Variants in RNF180 observed in about 807,000 individuals in gnomAD.
RNF180 encodes the protein E3 ubiquitin-protein ligase RNF180.
Under a neutral mutation model 59.2 loss-of-function variants are expected in RNF180, and 38 were observed. The observed-to-expected ratio is 0.64, with a 90% CI of 0.50 to 0.84. The LOEUF is 0.84. RNF180 is among the 40% of genes least tolerant of loss of function. The pLI is 0.00. For synonymous variants in RNF180, 262 were observed against 240.3 expected (o/e 1.09, Z -0.84); for missense variants, 705 against 700.9 (o/e 1.01, Z -0.07).
intron 5 of RNF180, among the ~76,000 whole-genome samples, chr5:64,237,912 C>T (rs979354943): frequency 5.9e-5 from 9 of 152,120 alleles, no homozygotes. Context: ...CTTTACCTTC[C>T]TCCATGATTG....
chr5:64,346,725 A>C (rs1210044809), intron 7 of RNF180, among the ~76,000 whole-genome samples: 4 of 152,048 alleles, frequency 2.6e-5, no homozygotes, highest in Non-Finnish European at 5.9e-5. Flanking sequence ...CCCAGGCCAT[A>C]TCCCAGACCA....
intron 1 of RNF180, among the ~76,000 whole-genome samples, chr5:64,173,221 C>T (rs1252188366): frequency 6.6e-6 from 1 of 152,088 alleles, no homozygotes; most frequent in Non-Finnish European, 1.5e-5. Context: ...AAGTAGAAAC[C>T]ACCCAATAAC....
At chr5:64,270,881 A>T (rs915789487) in intron 5 of RNF180, among the ~76,000 whole-genome samples, 1 of 152,114 alleles carries the variant, frequency 6.6e-6, no homozygotes, top group Admixed American at 6.6e-5. Context: ...AGTGACCAAG[A>T]TATAATCACA....
intron 5 of RNF180, among the ~76,000 whole-genome samples, chr5:64,265,248 A>G (rs1463537623): frequency 1.3e-5 from 2 of 152,112 alleles, no homozygotes; most frequent in Non-Finnish European, 2.9e-5. Flanking sequence ...CCATTTATCA[A>G]TTCTAGCTTT....
chr5:64,367,846 C>T (rs557466951), intron 7 of RNF180, among the ~76,000 whole-genome samples: 1 of 151,724 alleles, frequency 6.6e-6, no homozygotes, highest in South Asian at 2.1e-4. Flanking sequence ...TGTTCCCTAA[C>T]ATGAATAAAC....
intron 5 of RNF180, among the ~76,000 whole-genome samples, chr5:64,247,858 A>G (rs1034802273): frequency 2.0e-5 from 3 of 152,216 alleles, no homozygotes; most frequent in Non-Finnish European, 4.4e-5. Flanking sequence ...ACTTTAAACC[A>G]TACTACAATG....
At chr5:64,369,013 A>G (rs1746554854) in intron 7 of RNF180, among the ~76,000 whole-genome samples, 2 of 152,232 alleles carry the variant, frequency 1.3e-5, no homozygotes, top group South Asian at 2.1e-4. Context: ...GTGCACACGT[A>G]TGTTTATTGC....
intron 5 of RNF180, among the ~76,000 whole-genome samples, chr5:64,238,178 T>C (rs1179851059): frequency 2.6e-5 from 4 of 152,218 alleles, no homozygotes; most frequent in African/African-American, 9.6e-5. Context: ...ATTTCCTTCT[T>C]TTTTTAAGGC....
chr5:64,322,570 CGT>C (rs1744414208), intron 5 of RNF180, among the ~76,000 whole-genome samples: 1 of 146,262 alleles, frequency 6.8e-6, no homozygotes, highest in South Asian at 2.2e-4. Flanking sequence ...TATGTATACA[CGT>C]ATATATATAT....
At position 64,325,399 on chromosome 5, in the gene RNF180, T is replaced by G; in HGVS notation, c.1441T>G (p.Phe481Val). 6.5e-7 allele frequency: 1 copy of G among 1,547,854 alleles called. No individual in the cohort carries two copies. Among genetic ancestry groups the G allele is most frequent in the East Asian group, 2.4e-5 (1 of 40,892 alleles). The part of the protein sequence containing the change: ...PLCRTIISRV[F>V]FQTELNNATK... ...GTGTCGGACAATTATTTCTAGAGTC[T>G]TTTTCCAAACAGGTAACAATTCTCT... The change falls in exon 6 of 8, where the codon TTT (phenylalanine) becomes GTT (valine). Residue 481 changes from phenylalanine to valine, a missense_variant. Transcript: ENST00000389100.
chr5:64,171,186 T>G (rs1749914539), intron 1 of RNF180, among the ~76,000 whole-genome samples: 1 of 152,204 alleles, frequency 6.6e-6, no homozygotes, highest in South Asian at 2.1e-4. Flanking sequence ...TTGGAAATTC[T>G]GAGGTTAAGT....
chr5:64,297,429 T>C (rs1022163033), intron 5 of RNF180, among the ~76,000 whole-genome samples: 2 of 152,010 alleles, frequency 1.3e-5, no homozygotes, highest in African/African-American at 4.8e-5. Context: ...AAAATTTGGC[T>C]CGAGTTTCAA....
At chr5:64,223,363 T>A (rs7713289) in intron 5 of RNF180, among the ~76,000 whole-genome samples, 1 of 152,058 alleles carries the variant, frequency 6.6e-6, no homozygotes, top group Non-Finnish European at 1.5e-5. Flanking sequence ...CAAAGTCCCC[T>A]TTCCCATGTA....
intron 6 of RNF180, among the ~76,000 whole-genome samples, chr5:64,328,279 C>A (rs1421070576): frequency 6.6e-6 from 1 of 152,108 alleles, no homozygotes; most frequent in Non-Finnish European, 1.5e-5. Context: ...AGAAAAAGAC[C>A]AGTATTACTG....
intron 7 of RNF180, among the ~76,000 whole-genome samples, chr5:64,353,591 A>G (rs1745900692): frequency 6.6e-6 from 1 of 151,810 alleles, no homozygotes; most frequent in Admixed American, 6.6e-5. Flanking sequence ...CATGAGTATA[A>G]ATATAAATGT....
intron 5 of RNF180, among the ~76,000 whole-genome samples, chr5:64,265,805 C>A (rs929449124): frequency 2.6e-5 from 4 of 152,066 alleles, no homozygotes; most frequent in African/African-American, 9.7e-5. Flanking sequence ...ATCTAAATTA[C>A]TTTGGGCAGT....
At chr5:64,293,867 A>G (rs1027108982) in intron 5 of RNF180, among the ~76,000 whole-genome samples, 1 of 152,210 alleles carries the variant, frequency 6.6e-6, no homozygotes, top group East Asian at 1.9e-4. Flanking sequence ...AAAGTGAAAT[A>G]TTTTGAAAGT....
At chr5:64,265,635 T>C (rs981116967) in intron 5 of RNF180, among the ~76,000 whole-genome samples, 4 of 152,196 alleles carry the variant, frequency 2.6e-5, no homozygotes, top group Non-Finnish European at 5.9e-5. Context: ...TGTAGCCTTG[T>C]AGTATAGTTT....
At chr5:64,303,038 T>G (rs1252716971) in intron 5 of RNF180, among the ~76,000 whole-genome samples, 5 of 151,722 alleles carry the variant, frequency 3.3e-5, no homozygotes, top group Admixed American at 3.3e-4. Flanking sequence ...TGTCACATTT[T>G]GGCAATTGTT....
Sources: allele counts gnomAD v4.1 joint callset (sites outside exome capture counted in the v4.1 genomes callset), GRCh38; gene constraint gnomAD v4.1.1; transcripts MANE v1.5; gene names NCBI Gene and HGNC (gene_info 2026-07-23, HGNC 2026-07-21).